The following ZAN variants were observed in gnomAD, a reference collection of about 807,000 sequenced individuals.
ZAN encodes the protein zonadhesin.
In ZAN, 260 loss-of-function variants were observed where a neutral mutation model predicts 286.2. That is an observed-to-expected ratio of 0.91 (90% CI 0.82 to 1.01). The LOEUF (loss-of-function observed/expected upper bound fraction) is 1.01, where lower values mean the gene tolerates loss of function less well. Ranked by LOEUF, ZAN falls within the 50% of genes least tolerant of loss-of-function variation. ZAN has a pLI of 0.00. For synonymous variants in ZAN, 1,368 were observed against 1,417.5 expected, an observed-to-expected ratio of 0.97 and a Z score of 0.79; for missense variants, 3,410 against 3,639.2, an observed-to-expected ratio of 0.94 and a Z score of 1.62.
Position 100,776,578 on chromosome 7 carries a change from A to G in ZAN, c.6317+14A>G. 3 of 1,536,362 alleles carry G rather than the reference A, an allele frequency of 2.0e-6. No homozygotes were observed. The highest frequency in any genetic ancestry group is 2.6e-6 in the Non-Finnish European group (3 of 1,139,906). Reference sequence around the variant, plus strand: ...CATTGACCCAAGGTAGTGGTCCCCTAAGACCCTCTAGGTTTTCTTTCTTTT... The same window carrying G: ...CATTGACCCAAGGTAGTGGTCCCCTGAGACCCTCTAGGTTTTCTTTCTTTT... On this transcript the variant is annotated intron_variant, in intron 34 of 47. Transcript: ENST00000613979.
In ZAN at chr7:100,733,910, T is replaced by C. The variant is rs1166275710; in HGVS notation, c.-142-117T>C. 2 of 338,608 alleles carry C rather than the reference T, an allele frequency of 5.9e-6. 1 individual carries two copies. The highest frequency in any genetic ancestry group is 1.1e-5 in the Non-Finnish European group (2 of 177,920). 21.0% of individuals were successfully genotyped at this position (338,608 alleles called of 1,614,324 possible). A position where few individuals can be genotyped will look rare whatever the true frequency, so the allele number is the denominator to read the frequency against. ...CCTGGATTGATCCTCCAAACCTGTT[T>C]CCTTTTTGTTTCTTTCTCTTTTTTT... On this transcript the variant is annotated intron_variant, in intron 1 of 47. Transcript: ENST00000613979.
chr7:100,767,126 C>T lies in ZAN; in HGVS notation c.4729C>T (p.Gln1577Ter). The change falls in exon 25 of 48, where the codon CAA becomes TAA. Residue 1577 changes from glutamine to a stop codon, truncating the protein, a stop_gained. Transcript: ENST00000613979. LOFTEE classifies it high-confidence loss of function. ...VLTRPCWSRSQDSYFVVSATN... is the reference protein window; with the variant it reads ...VLTRPCWSRS ...GACCCGGCCTTGCTGGTCCAGGTCC[C>T]AAGACAGCTATTTTGTTGTGAGCGC... The T allele has an allele frequency of 6.2e-7, 1 of 1,613,936 alleles. No homozygotes were observed. Among genetic ancestry groups the T allele is most frequent in the South Asian group, 1.1e-5 (1 of 91,078 alleles).
chr7:100,775,420 G>A lies in ZAN; in HGVS notation c.5872G>A (p.Val1958Met), dbSNP rs1223517352. ...CCCGGACGCCTGCACTCTTGTCCTG[G>A]TGAAAGTGTGCCACCCCGCCATGGC... Reference protein sequence around the residue: ...SIPDACTLVLVKVCHPAMALP... With the variant: ...SIPDACTLVLMKVCHPAMALP... Residue 1958 changes from valine to methionine, a missense_variant, in exon 32 of 48, where the codon GTG becomes ATG. Val to Met is a conservative substitution (Grantham distance 21). Coordinates refer to ENST00000613979, the MANE Select transcript of ZAN (RefSeq NM_003386.3). The A allele has an allele frequency of 3.7e-6, 6 of 1,613,818 alleles. No individual in the cohort carries two copies. In the African/African-American group the frequency reaches 4.0e-5, roughly 11 times the overall value.
intron 37 of ZAN, among the ~76,000 whole-genome samples, 190 bp downstream of exon 37, chr7:100,786,331 G>C (rs1187908701): frequency 6.6e-6 from 1 of 152,200 alleles, no homozygotes; most frequent in Non-Finnish European, 1.5e-5. Context: ...GCCAGGTCCT[G>C]ATCCCCTCTG....
intron 7 of ZAN, among the ~76,000 whole-genome samples, chr7:100,743,769 C>T (rs770045966): frequency 2.6e-5 from 4 of 151,428 alleles, no homozygotes; most frequent in South Asian, 2.1e-4. Flanking sequence ...CCCAGATACT[C>T]GGGAGGCTGA....
Position 100,767,007 on chromosome 7 carries a change from C to T in ZAN, c.4613-3C>T, listed in dbSNP as rs1810019555. 1.2e-6 allele frequency: 2 copies of T among 1,613,726 alleles called. No homozygotes were observed. The highest frequency in any genetic ancestry group is 1.7e-6 in the Non-Finnish European group (2 of 1,179,762). On this transcript the variant is annotated splice_region_variant and splice_polypyrimidine_tract_variant and intron_variant, in intron 24 of 47. Transcript: ENST00000613979. ...ACTGTGAACTCCATCTTCTTCTCCA[C>T]AGGTGCCGCCACCTGCACAGCCTCG...
rs200606328 is a variant in ZAN at position 100,744,879 on chromosome 7, TG to T, written c.767-1658del. 7.5e-4 allele frequency among the ~76,000 whole-genome samples: 113 copies of T among 149,882 alleles called. 4 individuals are homozygous for T. Among genetic ancestry groups the T allele is most frequent in the African/African-American group, 1.4e-3 (56 of 40,410 alleles). On this transcript the variant is annotated intron_variant, in intron 7 of 47. Transcript: ENST00000613979. ...TCATAGGTCTCCTTGGTTTTTTTTT[TG>T]TTGTTGTTGTTTGTTTGTTTTTTGA... is the stretch of plus-strand genomic sequence containing the variant.
chr7:100,777,726 G>A (rs1252141604), intron 34 of ZAN, among the ~76,000 whole-genome samples: 1 of 152,004 alleles, frequency 6.6e-6, no homozygotes, highest in African/African-American at 2.4e-5. Flanking sequence ...CCTGGGGCAG[G>A]AAGACCAGAA....
At chr7:100,781,014 T>G (rs1011672626) in intron 35 of ZAN, among the ~76,000 whole-genome samples, 1 of 152,038 alleles carries the variant, frequency 6.6e-6, no homozygotes, top group Non-Finnish European at 1.5e-5. Flanking sequence ...AAAAACAACG[T>G]CTTATTATTT....
chr7:100,776,228 G>T (rs976540759), intron 33 of ZAN, among the ~76,000 whole-genome samples: 1 of 151,864 alleles, frequency 6.6e-6, no homozygotes, highest in Admixed American at 6.6e-5. Flanking sequence ...TGAGGCAGGA[G>T]GGTTGCTTGA....
chr7:100,791,042 G>T lies in ZAN; in HGVS notation c.7458G>T (p.Leu2486=). 6.2e-7 allele frequency: 1 copy of T among 1,613,104 alleles called. No individual in the cohort carries two copies. ...KNDMMLPSGA[L]TQNLNTFGNS... ...ACATGATGCTGCCCAGTGGCGCCCT[G>T]ACCCAGAACCTCAACACCTTTGGCA... The change falls in exon 40 of 48, where the codon CTG becomes CTT. Residue 2486 remains leucine, a synonymous_variant. Transcript: ENST00000613979.
rs544216404 is a variant in ZAN at position 100,752,028 on chromosome 7, C to G, written c.1923C>G (p.Thr641=). The change falls in exon 14 of 48, where the codon ACC becomes ACG. Residue 641 remains threonine, a synonymous_variant. Transcript: ENST00000613979. Reference sequence around the variant, plus strand: ...CCACCATTCCCTCAGAAAAACCCACCATTCCCTCAGAAAAACCCACCATTT... The same window carrying G: ...CCACCATTCCCTCAGAAAAACCCACGATTCCCTCAGAAAAACCCACCATTT... ...EKPTIPSEKP[T]IPSEKPTIST... The G allele has an allele frequency of 1.2e-6, 2 of 1,613,112 alleles. No individual in the cohort carries two copies. Among genetic ancestry groups the G allele is most frequent in the Admixed American group, 3.3e-5 (2 of 59,872 alleles).
rs1808230562 is a variant in ZAN, at chr7:100,746,542, C to A, written c.771C>A (p.Gly257=). 1 of 1,613,892 alleles carries A rather than the reference C, an allele frequency of 6.2e-7. No homozygotes were observed. Among genetic ancestry groups the A allele is most frequent in the South Asian group, 1.1e-5 (1 of 91,076 alleles). Residue 257 remains glycine (G), a synonymous_variant, in exon 8 of 48, where the codon GGC becomes GGA. Transcript: ENST00000613979. ...PDGDFSSPGS[G]CYMLLDPKNA... ...CCCTGGCCTTTTGCTTCACAGGTGG[C>A]TGCTACATGCTCCTGGACCCCAAGA... is the stretch of plus-strand genomic sequence containing the variant.
intron 20 of ZAN, 61 bp downstream of exon 20, chr7:100,762,419 CTTTTTTT>C (rs869138443): frequency 5.2e-4 from 534 of 1,018,714 alleles, no homozygotes; most frequent in Admixed American, 8.2e-4. Flanking sequence ...CTGGAACTCT[CTTTTTTT>C]TTTTTTTTTT....
intron 26 of ZAN, 151 bp from the exon 27 acceptor site, chr7:100,768,459 A>T: frequency 1.5e-6 from 1 of 683,664 alleles, no homozygotes; most frequent in Non-Finnish European, 2.4e-6. Context: ...GTGTCAGAGC[A>T]AGACTCCATC....
chr7:100,786,206 G>C (rs1212958582), intron 37 of ZAN, 65 bp downstream of exon 37: 8 of 1,597,934 alleles, frequency 5.0e-6, no homozygotes, highest in Non-Finnish European at 6.0e-6. Context: ...GGTGGAGGAA[G>C]AGGCAGGGTG....
chr7:100,738,638 C>T (rs761921744), intron 7 of ZAN, 25 bp downstream of exon 7: 1 of 1,508,238 alleles, frequency 6.6e-7, no homozygotes, highest in East Asian at 2.3e-5. Flanking sequence ...TGCTTCTGTC[C>T]CTTGACTTTC....
At chr7:100,739,858 A>G (rs1807618585) in intron 7 of ZAN, among the ~76,000 whole-genome samples, 1 of 137,796 alleles carries the variant, frequency 7.3e-6, no homozygotes, top group Admixed American at 7.2e-5. Flanking sequence ...GGGTTTCACC[A>G]CGTTGGCCAG....
intron 34 of ZAN, among the ~76,000 whole-genome samples, chr7:100,777,845 G>GC (rs1810924545): frequency 6.6e-6 from 1 of 151,786 alleles, no homozygotes; most frequent in South Asian, 2.1e-4. Flanking sequence ...TCCCGCCTCG[G>GC]CCCCCCAAAG....
Sources: gnomAD v4.1 joint callset for allele counts (sites outside exome capture counted in the v4.1 genomes callset) on GRCh38, gnomAD v4.1.1 for gene constraint, MANE v1.5 for transcripts, NCBI Gene and HGNC (gene_info 2026-07-23, HGNC 2026-07-21) for gene names.